The following POLH variants were observed in gnomAD, a reference collection of about 807,000 sequenced individuals.
POLH encodes the protein DNA polymerase eta transcript.
In POLH, 53 loss-of-function variants were observed where a neutral mutation model predicts 73.6. The ratio of observed to expected loss-of-function variants is 0.72; its 90% CI spans 0.58 to 0.91. The LOEUF (loss-of-function observed/expected upper bound fraction) is 0.91. Ranked by LOEUF, POLH falls within the 40% of genes least tolerant of loss-of-function variation. POLH has a pLI of 0.00. For missense variants in POLH, 768 were observed against 865.4 expected, an observed-to-expected ratio of 0.89 and a Z score of 1.41; for synonymous variants, 292 against 308.5, an observed-to-expected ratio of 0.95 and a Z score of 0.56.
At chr6:43,590,429 G>T (rs1765326954) in intron 4 of POLH, among the ~76,000 whole-genome samples, 2 of 150,578 alleles carry the variant, frequency 1.3e-5, no homozygotes, top group Admixed American at 1.3e-4. Flanking sequence ...CCAGGTCTAA[G>T]AATTTGCATA....
chr6:43,594,435 C>T (rs116720398), intron 4 of POLH, among the ~76,000 whole-genome samples: 8,267 of 152,196 alleles, frequency 0.054, 325 homozygotes, highest in African/African-American at 0.11. Context: ...TTAAAAACTA[C>T]CTTTTGGCCG....
At position 43,602,777 on chromosome 6, in the gene POLH, C is replaced by T. The variant is rs527325549; in HGVS notation, c.765-1115C>T. Among the ~76,000 whole-genome samples, 221 of 151,468 alleles carry T rather than the reference C, an allele frequency of 1.5e-3. 1 individual carries two copies. The highest frequency in any genetic ancestry group is 4.9e-3 in the African/African-American group (204 of 41,258). On this transcript the variant is annotated intron_variant, in intron 6 of 10. Coordinates refer to ENST00000372236, the MANE Select transcript of POLH (RefSeq NM_006502.3). ...CCACCTCCTGGGTTCAAGCGATTCT[C>T]CTGCCTCAGCCTGCCCAGTAGCTGG...
intron 4 of POLH, among the ~76,000 whole-genome samples, chr6:43,594,829 T>TA (rs1765858965): frequency 6.6e-6 from 1 of 152,198 alleles, no homozygotes; most frequent in Non-Finnish European, 1.5e-5. Flanking sequence ...ATGAAGCCAA[T>TA]ATTTGAACCC....
chr6:43,578,198 C>A (rs1032281162), intron 1 of POLH, among the ~76,000 whole-genome samples: 5 of 151,902 alleles, frequency 3.3e-5, no homozygotes, highest in Non-Finnish European at 5.9e-5. Context: ...ACTAGCCTGG[C>A]CAACATGGTG....
rs1422748201 is a variant in POLH at position 43,613,751 on chromosome 6, A to G, written c.1336A>G (p.Ser446Gly). 1.9e-6 allele frequency: 3 copies of G among 1,613,614 alleles called. No homozygotes were observed. The African/African-American group carries it at 4.0e-5, about 22-fold the overall frequency. Reference sequence around the variant, plus strand: ...TACAGACATCACCAGCTTCTTGAGCAGTGACCCAAGTTCTCTGCCAAAGGT... The same window carrying G: ...TACAGACATCACCAGCTTCTTGAGCGGTGACCCAAGTTCTCTGCCAAAGGT... ...SSTDITSFLS[S>G]DPSSLPKVPV... Residue 446 changes from serine to glycine, a missense_variant, in exon 11 of 11, where the codon AGT (serine) becomes GGT (glycine). Coordinates refer to ENST00000372236, the MANE Select transcript of POLH (RefSeq NM_006502.3).
At chr6:43,587,170 A>T in intron 3 of POLH, 102 bp from the exon 4 acceptor site, 2 of 886,030 alleles carry the variant, frequency 2.3e-6, no homozygotes, top group South Asian at 2.6e-5. Flanking sequence ...ATGTCTCTTG[A>T]TTACGTGTAT....
chr6:43,607,132 G>C (rs1309128762), intron 9 of POLH, among the ~76,000 whole-genome samples: 1 of 152,184 alleles, frequency 6.6e-6, no homozygotes, highest in Non-Finnish European at 1.5e-5. Flanking sequence ...GTCTCGCTCT[G>C]TCACCAGGCC....
chr6:43,602,995 CTTTTTTTTTTTTTT>C lies in POLH; in HGVS notation c.765-887_765-874del, dbSNP rs59306548. ...CTGTTTATATTTAGGTTATGTATTCCTTTTTTTTTTTTTTTTTTTTTTTGAAACAGAGTCTTGCT... is the reference window on the plus strand; with the variant it reads ...CTGTTTATATTTAGGTTATGTATTCCTTTTTTTTTGAAACAGAGTCTTGCT... On this transcript the variant is annotated intron_variant, in intron 6 of 10. Transcript: ENST00000372236. 1.6e-3 allele frequency among the ~76,000 whole-genome samples: 181 copies of C among 114,032 alleles called. No individual in the cohort carries two copies. In the South Asian group the frequency reaches 0.021, roughly 13 times the overall value. 74.8% of individuals were successfully genotyped at this position (114,032 alleles called of 152,430 possible).
At chr6:43,598,053 A>G (rs1015349598) in intron 5 of POLH, among the ~76,000 whole-genome samples, 188 bp downstream of exon 5, 2 of 151,954 alleles carry the variant, frequency 1.3e-5, no homozygotes, top group African/African-American at 4.8e-5. Context: ...TCTCTACAAA[A>G]AATTAGCCAG....
intron 10 of POLH, among the ~76,000 whole-genome samples, chr6:43,613,019 C>T (rs1254949212): frequency 1.3e-5 from 2 of 151,754 alleles, no homozygotes; most frequent in African/African-American, 4.8e-5. Flanking sequence ...AGGCTGGTCT[C>T]ATACTCCTGA....
At chr6:43,594,379 A>G (rs1485441463) in intron 4 of POLH, among the ~76,000 whole-genome samples, 2 of 152,216 alleles carry the variant, frequency 1.3e-5, no homozygotes, top group African/African-American at 2.4e-5. Flanking sequence ...GATAATTAAA[A>G]AAAAAGCAAA....
rs1230723268 is a variant in POLH, at chr6:43,618,377, A to G, written c.*3820A>G. On this transcript the variant is annotated 3_prime_UTR_variant, in exon 11 of 11. Coordinates refer to ENST00000372236, the MANE Select transcript of POLH (RefSeq NM_006502.3). ...CACCATGTTGGCCAGGCTGGTCTCT[A>G]TCTAGACCTCGTGATCCATCCGCCT... is the stretch of plus-strand genomic sequence containing the variant. Among the ~76,000 whole-genome samples, 1 of 152,060 alleles carries G rather than the reference A, an allele frequency of 6.6e-6. No homozygotes were observed. The highest frequency in any genetic ancestry group is 2.4e-5 in the African/African-American group (1 of 41,404).
chr6:43,581,806 C>G (rs541393489), intron 1 of POLH, among the ~76,000 whole-genome samples: 2,724 of 150,924 alleles, frequency 0.018, 84 homozygotes, highest in African/African-American at 0.062. Flanking sequence ...GCGCCAACCA[C>G]CACCCGCGGC....
intron 6 of POLH, among the ~76,000 whole-genome samples, chr6:43,601,751 C>A (rs1442047208): frequency 2.6e-5 from 4 of 151,892 alleles, no homozygotes; most frequent in African/African-American, 9.7e-5. Context: ...TAGTGAGACC[C>A]CATCTCTATA....
chr6:43,590,741 G>A, intron 4 of POLH: 1 of 151,944 alleles, frequency 6.6e-6, no homozygotes, highest in East Asian at 1.9e-4. Context: ...TGGCCAACAT[G>A]GCGAAACCCC....
At chr6:43,578,757 T>C (rs1338785549) in intron 1 of POLH, among the ~76,000 whole-genome samples, 1 of 151,944 alleles carries the variant, frequency 6.6e-6, no homozygotes, top group Admixed American at 6.5e-5. Context: ...ACATTTTTCA[T>C]GAATGCTATG....
chr6:43,581,827 G>A (rs1035485108), intron 1 of POLH, among the ~76,000 whole-genome samples: 154 of 151,212 alleles, frequency 1.0e-3, no homozygotes, highest in African/African-American at 3.5e-3. Flanking sequence ...CACCATGGCC[G>A]GACGGGCTCC....
chr6:43,578,464 A>G (rs973620225), intron 1 of POLH: 2 of 440,982 alleles, frequency 4.5e-6, no homozygotes, highest in African/African-American at 2.0e-5. Flanking sequence ...TAGTTGTGGA[A>G]GTCAAATATC....
intron 6 of POLH, among the ~76,000 whole-genome samples, chr6:43,602,610 G>A (rs748655584): frequency 3.2e-4 from 48 of 152,224 alleles, no homozygotes; most frequent in Admixed American, 5.2e-4. Flanking sequence ...AATGGAAATA[G>A]ACTGAAAAGA....
Sources: gnomAD v4.1 joint callset for allele counts (sites outside exome capture counted in the v4.1 genomes callset) on GRCh38, gnomAD v4.1.1 for gene constraint, MANE v1.5 for transcripts, NCBI Gene and HGNC (gene_info 2026-07-23, HGNC 2026-07-21) for gene names.